The following FAM13A variants were observed in gnomAD, a reference collection of about 807,000 sequenced individuals.
The protein encoded by FAM13A is family with sequence similarity 13 member A.
Under a neutral mutation model 129.6 loss-of-function variants are expected in FAM13A, and 76 were observed. That is an observed-to-expected ratio of 0.59 (90% CI 0.49 to 0.71). FAM13A has a LOEUF of 0.71. FAM13A is among the 30% of genes least tolerant of loss of function. The pLI is 0.00. For missense variants in FAM13A, 1,108 were observed against 1,249.3 expected, an observed-to-expected ratio of 0.89 and a Z score of 1.70; for synonymous variants, 443 against 449.9, an observed-to-expected ratio of 0.98 and a Z score of 0.20.
chr4:89,029,551 T>C lies in FAM13A; in HGVS notation c.126A>G (p.Gly42=). The C allele has an allele frequency of 6.3e-7, 1 of 1,596,302 alleles. No homozygotes were observed. The highest frequency in any genetic ancestry group is 8.5e-7 in the Non-Finnish European group (1 of 1,174,992). Residue 42 remains glycine, a synonymous_variant, in exon 2 of 24, where the codon GGA becomes GGG. Coordinates refer to ENST00000264344, the MANE Select transcript of FAM13A (RefSeq NM_014883.4). The stretch of plus-strand genomic sequence containing the variant: ...GCCGTTCAAGTTCTTGGAGACTGAC[T>C]CCAAATAACTTCTGATAGGTAAAAT... ...QKDFTYQKLF[G]VSLQELERQG...
intron 7 of FAM13A, among the ~76,000 whole-genome samples, chr4:88,849,940 C>T (rs560310784): frequency 8.3e-4 from 127 of 152,248 alleles, no homozygotes; most frequent in Non-Finnish European, 1.4e-3. Flanking sequence ...AGCATATCTA[C>T]AATACTCTTG....
chr4:88,887,207 G>T (rs1744567858), intron 6 of FAM13A, among the ~76,000 whole-genome samples: 1 of 152,070 alleles, frequency 6.6e-6, no homozygotes, highest in African/African-American at 2.4e-5. Context: ...TGTAATAGGT[G>T]CACCAAAATC....
chr4:89,054,302 C>CACAA (rs1771953917), intron 1 of FAM13A, among the ~76,000 whole-genome samples: 1 of 151,666 alleles, frequency 6.6e-6, no homozygotes, highest in African/African-American at 2.4e-5. Context: ...CACACAGACA[C>CACAA]ACACACACAC....
chr4:88,989,543 A>T (rs563824968), intron 4 of FAM13A: 1 of 152,416 alleles, frequency 6.6e-6, no homozygotes, highest in East Asian at 1.9e-4. Flanking sequence ...TGGAGGTTGC[A>T]GTGAGCCGAG....
intron 7 of FAM13A, among the ~76,000 whole-genome samples, chr4:88,850,254 C>A (rs1737326708): frequency 6.6e-6 from 1 of 152,038 alleles, no homozygotes; most frequent in South Asian, 2.1e-4. Context: ...CCCAAATTTA[C>A]CTATTTTAAG....
intron 7 of FAM13A, among the ~76,000 whole-genome samples, chr4:88,831,732 A>G (rs1484089791): frequency 6.6e-6 from 1 of 152,242 alleles, no homozygotes; most frequent in Non-Finnish European, 1.5e-5. Context: ...CCACTGCTCA[A>G]AGAAATCAGA....
intron 6 of FAM13A, among the ~76,000 whole-genome samples, chr4:88,870,905 C>T (rs527321763): frequency 6.6e-6 from 1 of 152,268 alleles, no homozygotes; most frequent in African/African-American, 2.4e-5. Flanking sequence ...CCAGGTGCCC[C>T]TCTGAGATGA....
intron 7 of FAM13A, among the ~76,000 whole-genome samples, chr4:88,806,512 G>A (rs1423088869): frequency 3.9e-5 from 6 of 152,152 alleles, no homozygotes; most frequent in Admixed American, 3.3e-4. Flanking sequence ...ATCGTGTCCT[G>A]GAAGTTGAAT....
chr4:89,056,716 C>T (rs1399467563), intron 1 of FAM13A, among the ~76,000 whole-genome samples: 1 of 152,192 alleles, frequency 6.6e-6, no homozygotes, highest in Non-Finnish European at 1.5e-5. Context: ...CAGCATGCAT[C>T]TTTCACCTTT....
intron 6 of FAM13A, chr4:88,905,628 C>T (rs1358930843): frequency 1.3e-5 from 2 of 152,090 alleles, no homozygotes; most frequent in Non-Finnish European, 2.9e-5. Context: ...TGTCATTTAG[C>T]TCCTATTTAT....
At chr4:88,741,529 C>T (rs531133619) in intron 19 of FAM13A, among the ~76,000 whole-genome samples, 6 of 152,264 alleles carry the variant, frequency 3.9e-5, no homozygotes, top group South Asian at 2.1e-4. Context: ...TCTGGAGGAT[C>T]GGCAACGTTT....
intron 4 of FAM13A, among the ~76,000 whole-genome samples, chr4:88,960,617 A>T (rs1371698517): frequency 6.6e-6 from 1 of 152,178 alleles, no homozygotes; most frequent in African/African-American, 2.4e-5. Flanking sequence ...TCTCAGCAAG[A>T]GGAGAGAAGA....
At chr4:88,791,224 T>C (rs912284372) in intron 8 of FAM13A, among the ~76,000 whole-genome samples, 9 of 152,204 alleles carry the variant, frequency 5.9e-5, no homozygotes, top group Non-Finnish European at 1.0e-4. Flanking sequence ...AGCTCTGTAA[T>C]GTGTCAGCTT....
chr4:89,003,197 G>T (rs1764497175), intron 3 of FAM13A, among the ~76,000 whole-genome samples: 1 of 151,752 alleles, frequency 6.6e-6, no homozygotes, highest in Non-Finnish European at 1.5e-5. Flanking sequence ...AAATAAAAAG[G>T]GCCCCAAAGA....
rs527400523 is a variant in FAM13A, at chr4:88,952,188, A to G, written c.606-13947T>C. ...GCCAAACCAGCAATCTTTTATATAA[A>G]CAGCCGTTGAGATGGAACAACCAGA... On this transcript the variant is annotated intron_variant, in intron 4 of 23. Transcript: ENST00000264344. Among the ~76,000 whole-genome samples, 5 of 152,300 alleles carry G rather than the reference A, an allele frequency of 3.3e-5. No homozygotes were observed. In the East Asian group the frequency reaches 9.6e-4, roughly 29 times the overall value.
intron 3 of FAM13A, among the ~76,000 whole-genome samples, chr4:89,009,349 A>T (rs1407547150): frequency 1.3e-5 from 2 of 152,218 alleles, no homozygotes; most frequent in African/African-American, 4.8e-5. Context: ...TACCAGAGAT[A>T]AGACTCCCTT....
chr4:88,781,563 T>C (rs1216046726), intron 10 of FAM13A, among the ~76,000 whole-genome samples: 1 of 152,028 alleles, frequency 6.6e-6, no homozygotes, highest in Non-Finnish European at 1.5e-5. Flanking sequence ...TAGAGGCAAA[T>C]TGGCAAGGGC....
chr4:89,008,354 G>T (rs894987031), intron 3 of FAM13A, among the ~76,000 whole-genome samples: 3 of 152,152 alleles, frequency 2.0e-5, no homozygotes, highest in Admixed American at 6.6e-5. Context: ...TATAAGAAGA[G>T]AAAGAGGTAT....
chr4:89,020,277 G>GT (rs1767075659), intron 3 of FAM13A, among the ~76,000 whole-genome samples, 183 bp downstream of exon 3: 1 of 122,632 alleles, frequency 8.2e-6, no homozygotes, highest in Non-Finnish European at 1.7e-5. Context: ...TTTTTTTTCT[G>GT]CCCTTTTTTT....
Sources: gnomAD v4.1 joint callset for allele counts (sites outside exome capture counted in the v4.1 genomes callset) on GRCh38, gnomAD v4.1.1 for gene constraint, MANE v1.5 for transcripts, NCBI Gene and HGNC (gene_info 2026-07-23, HGNC 2026-07-21) for gene names.